Variants in HAT1 observed in about 807,000 individuals in gnomAD.
HAT1 encodes histone acetyltransferase type B catalytic subunit.
Under a neutral mutation model 56.6 loss-of-function variants are expected in HAT1, and 20 were observed. That is an observed-to-expected ratio of 0.35 (90% CI 0.25 to 0.51). HAT1 has a LOEUF of 0.51. Among genes scored for constraint, HAT1 ranks in the 20% least tolerant of loss-of-function variants. HAT1 has a pLI of 0.95. For missense variants in HAT1, 408 were observed against 504.3 expected (o/e 0.81, Z 1.83); for synonymous variants, 146 against 165.5 (o/e 0.88, Z 0.91).
At chr2:171,972,579 T>A (rs1687844558) in intron 8 of HAT1, among the ~76,000 whole-genome samples, 1 of 152,148 alleles carries the variant, frequency 6.6e-6, no homozygotes, top group African/African-American at 2.4e-5. Context: ...CACACAAAGT[T>A]ATAGCAGGTG....
At chr2:171,935,313 G>A (rs1411685021) in intron 2 of HAT1, among the ~76,000 whole-genome samples, 2 of 149,906 alleles carry the variant, frequency 1.3e-5, no homozygotes, top group East Asian at 2.0e-4. Flanking sequence ...TCAGGAGTTC[G>A]AGACCAGCCT....
rs763309952 is a variant in HAT1 at position 171,979,419 on chromosome 2, A to G, written c.1092+56A>G. The G allele has an allele frequency of 8.1e-6, 7 of 859,734 alleles. No homozygotes were observed. The Admixed American group carries it at 1.3e-4, about 16-fold the overall frequency. 53.3% of individuals were successfully genotyped at this position (859,734 alleles called of 1,614,324 possible). Reference sequence around the variant, plus strand: ...TTCTTTTCACTGTTTAAAACAGAAGAAAAGCTACCAAATATCAGTATATGA... The same window carrying G: ...TTCTTTTCACTGTTTAAAACAGAAGGAAAGCTACCAAATATCAGTATATGA... On this transcript the variant is annotated intron_variant, in intron 10 of 10. Transcript: ENST00000264108.
intron 10 of HAT1, chr2:171,980,204 C>G (rs147574360): frequency 6.6e-6 from 1 of 152,276 alleles, no homozygotes; most frequent in Non-Finnish European, 1.5e-5. Context: ...ATCTGAATGC[C>G]TAGTCTCTTC....
chr2:171,977,333 G>T (rs548296631), intron 9 of HAT1, among the ~76,000 whole-genome samples: 110 of 147,794 alleles, frequency 7.4e-4, no homozygotes, highest in Middle Eastern at 3.6e-3. Flanking sequence ...GTGGTGGCGC[G>T]TGCCTGTAAT....
intron 8 of HAT1, among the ~76,000 whole-genome samples, chr2:171,969,651 T>G (rs552387995): frequency 1.1e-4 from 16 of 152,328 alleles, no homozygotes; most frequent in African/African-American, 3.4e-4. Context: ...GCTTAAAGAT[T>G]GAGTGGTGAC....
rs769604262 is a variant in HAT1, at chr2:171,925,611, A to G, written c.82A>G (p.Asn28Asp). 2.6e-6 allele frequency: 4 copies of G among 1,551,262 alleles called. No individual in the cohort carries two copies. The highest frequency in any genetic ancestry group is 3.6e-6 in the Non-Finnish European group (4 of 1,122,728). Reference sequence around the variant, plus strand: ...GAAGAAACTGGCAGAGTACAAATGTAACACCAACACAGCAATTGAACTAAA... The same window carrying G: ...GAAGAAACTGGCAGAGTACAAATGTGACACCAACACAGCAATTGAACTAAA... The part of the protein sequence containing the change: ...VEKKLAEYKC[N>D]TNTAIELKLV... The change falls in exon 2 of 11, where the codon AAC becomes GAC. Residue 28 changes from asparagine to aspartate, a missense_variant. Physicochemically the swap from Asn to Asp is conservative, Grantham distance 23 (BLOSUM62 1). Transcript: ENST00000264108.
At chr2:171,957,943 T>C (rs1409653649) in intron 4 of HAT1, among the ~76,000 whole-genome samples, 2 of 152,218 alleles carry the variant, frequency 1.3e-5, no homozygotes, top group African/African-American at 4.8e-5. Context: ...CTGTATGTCA[T>C]AACTTTCCTC....
intron 9 of HAT1, 25 bp from the exon 10 acceptor site, chr2:171,979,222 C>T (rs368717142): frequency 3.3e-5 from 35 of 1,051,508 alleles, no homozygotes; most frequent in South Asian, 1.4e-4. Context: ...TGAAAATGTT[C>T]GCATTTTCTT....
intron 8 of HAT1, among the ~76,000 whole-genome samples, chr2:171,974,173 C>CAAAAAAAAAAAAAAA (rs1183466393): frequency 8.8e-5 from 4 of 45,540 alleles, no homozygotes; most frequent in Admixed American, 6.2e-4. Context: ...GACCCTGTCT[C>CAAAAAAAAAAAAAAA]AAAAAAAAAA....
At chr2:171,954,677 C>T (rs946558338) in intron 4 of HAT1, among the ~76,000 whole-genome samples, 5 of 151,908 alleles carry the variant, frequency 3.3e-5, no homozygotes, top group South Asian at 2.1e-4. Flanking sequence ...CAAAGCAAGA[C>T]TCCATCTCAA....
chr2:171,949,690 T>A (rs28588921), intron 3 of HAT1, among the ~76,000 whole-genome samples: 39 of 146,642 alleles, frequency 2.7e-4, no homozygotes, highest in Admixed American at 7.8e-4. Context: ...AAAAAAAAAA[T>A]TTTTTTTTAA....
At position 171,968,822 on chromosome 2, in the gene HAT1, G is replaced by A. The variant is rs12624292; in HGVS notation, c.823+1873G>A. 0.037 allele frequency among the ~76,000 whole-genome samples: 5,674 copies of A among 152,024 alleles called. 831 individuals are homozygous for A. In the East Asian group the frequency reaches 0.53, roughly 14 times the overall value. ...TTTAGTTGCCTGTTTCTCCATTATT[G>A]TGTGTGCTTTTTTAGCTTTGTGGTT... On this transcript the variant is annotated intron_variant, in intron 8 of 10. Transcript: ENST00000264108.
chr2:171,980,848 T>TC (rs1688112692), intron 10 of HAT1: 1 of 106,064 alleles, frequency 9.4e-6, no homozygotes, highest in African/African-American at 4.0e-5. Flanking sequence ...GGAGCAAGAC[T>TC]CCATCTCAAA....
At chr2:171,978,159 G>A (rs1688035855) in intron 9 of HAT1, among the ~76,000 whole-genome samples, 1 of 151,216 alleles carries the variant, frequency 6.6e-6, no homozygotes, top group Admixed American at 6.6e-5. Context: ...CAACCTCCTG[G>A]GCTCAAATGA....
chr2:171,960,577 C>A (rs1237810947), intron 4 of HAT1, among the ~76,000 whole-genome samples: 1 of 152,130 alleles, frequency 6.6e-6, no homozygotes, highest in Non-Finnish European at 1.5e-5. Flanking sequence ...TCTAGTTGCA[C>A]CTAAAATTCT....
At chr2:171,960,786 A>T (rs544342795) in intron 4 of HAT1, among the ~76,000 whole-genome samples, 2 of 151,824 alleles carry the variant, frequency 1.3e-5, no homozygotes, top group African/African-American at 2.4e-5. Flanking sequence ...CTGACTCAGG[A>T]GGATCATTTG....
At chr2:171,949,102 T>C (rs1687239555) in intron 3 of HAT1, among the ~76,000 whole-genome samples, 1 of 152,242 alleles carries the variant, frequency 6.6e-6, no homozygotes, top group Non-Finnish European at 1.5e-5. Context: ...GGTAATTTTG[T>C]AACTCTTTTG....
At chr2:171,946,831 T>A (rs754672873) in intron 3 of HAT1, 48 bp downstream of exon 3, 33 of 780,242 alleles carry the variant, frequency 4.2e-5, no homozygotes, top group Non-Finnish European at 6.0e-5. Context: ...GAAAAAAAAA[T>A]TTTCATTCTT....
At chr2:171,934,754 GTTT>G (rs71013091) in intron 2 of HAT1, among the ~76,000 whole-genome samples, 2 of 128,406 alleles carry the variant, frequency 1.6e-5, no homozygotes, top group Non-Finnish European at 1.6e-5. Flanking sequence ...ACTAGAGTGG[GTTT>G]TTTTTTTTTT....
Sources: allele counts gnomAD v4.1 joint callset (sites outside exome capture counted in the v4.1 genomes callset), GRCh38; gene constraint gnomAD v4.1.1; transcripts MANE v1.5; gene names NCBI Gene and HGNC (gene_info 2026-07-23, HGNC 2026-07-21).